Variants in GALNT13 observed in about 807,000 individuals in gnomAD.
GALNT13 encodes UDP-GalNAc:polypeptide N-acetylgalactosaminyltransferase 13.
GALNT13 carries 28 observed loss-of-function variants against 64.2 expected under a neutral mutation model. That is an observed-to-expected ratio of 0.44 (90% CI 0.32 to 0.60). The LOEUF (loss-of-function observed/expected upper bound fraction) is 0.60, where lower values mean the gene tolerates loss of function less well. GALNT13 is among the 20% of genes least tolerant of loss of function. The pLI is 0.05. For synonymous variants in GALNT13, 214 were observed against 224.6 expected, an observed-to-expected ratio of 0.95 and a Z score of 0.42; for missense variants, 577 against 669.8, an observed-to-expected ratio of 0.86 and a Z score of 1.53.
intron 11 of GALNT13, chr2:154,436,484 C>A (rs930875134): frequency 6.6e-6 from 1 of 152,204 alleles, no homozygotes; most frequent in Non-Finnish European, 1.5e-5. Context: ...TCCTTTTACA[C>A]TGGCATTTGT....
chr2:153,770,176 C>T, the GALNT13 span, among the ~76,000 whole-genome samples: 1 of 147,570 alleles, frequency 6.8e-6, no homozygotes, highest in Non-Finnish European at 1.5e-5. Context: ...CCCCGCCCCC[C>T]CACACCCCGG....
chr2:153,935,369 G>A (rs1314701289), intron 2 of GALNT13, among the ~76,000 whole-genome samples: 1 of 152,064 alleles, frequency 6.6e-6, no homozygotes, highest in Non-Finnish European at 1.5e-5. Context: ...TAGCCCAAAG[G>A]GACATAAATC....
chr2:154,249,781 AT>A (rs1001219492), intron 7 of GALNT13, among the ~76,000 whole-genome samples: 7 of 152,120 alleles, frequency 4.6e-5, no homozygotes, highest in African/African-American at 1.2e-4. Context: ...TCAAACATAA[AT>A]GTTATTGGTT....
chr2:153,389,638 G>A, the GALNT13 span, among the ~76,000 whole-genome samples: 1 of 152,170 alleles, frequency 6.6e-6, no homozygotes, highest in African/African-American at 2.4e-5. Context: ...TTTGTGAAAC[G>A]TGGATGTGCA....
At chr2:153,314,878 A>G in the GALNT13 span, among the ~76,000 whole-genome samples, 7 of 152,188 alleles carry the variant, frequency 4.6e-5, no homozygotes, top group Non-Finnish European at 1.0e-4. Flanking sequence ...AAAAGGGAAA[A>G]TGAAACTCAA....
At chr2:153,919,109 C>A (rs1689585322) in intron 2 of GALNT13, among the ~76,000 whole-genome samples, 3 of 152,018 alleles carry the variant, frequency 2.0e-5, no homozygotes, top group African/African-American at 4.8e-5. Context: ...GTACTTCTGT[C>A]TTTCTCCTCC....
In GALNT13 at chr2:154,107,588, C is replaced by CAA. The variant is rs145286349; in HGVS notation, c.143-32734_143-32733dup. 6.1e-3 allele frequency among the ~76,000 whole-genome samples: 437 copies of CAA among 72,222 alleles called. 9 individuals are homozygous for CAA. The highest frequency in any genetic ancestry group is 0.018 in the East Asian group (68 of 3,810). 47.4% of individuals were successfully genotyped at this position (72,222 alleles called of 152,430 possible). A position where few individuals can be genotyped will look rare whatever the true frequency, so the allele number is the denominator to read the frequency against. On this transcript the variant is annotated intron_variant, in intron 3 of 12. Transcript: ENST00000392825. The stretch of plus-strand genomic sequence containing the variant: ...TTGGCAACAGAGTGAGACTACATCA[C>CAA]AAAAAAAAAAAAAAAAGAAAGAAAA...
At chr2:154,027,076 A>G (rs1698017534) in intron 3 of GALNT13, among the ~76,000 whole-genome samples, 1 of 152,174 alleles carries the variant, frequency 6.6e-6, no homozygotes, top group African/African-American at 2.4e-5. Context: ...TCTAGAGTGG[A>G]AGATTCAAAA....
At chr2:154,384,415 ATAAT>A (rs1367444174) in intron 9 of GALNT13, among the ~76,000 whole-genome samples, 2 of 151,896 alleles carry the variant, frequency 1.3e-5, no homozygotes, top group African/African-American at 2.4e-5. Context: ...CAGATTGTAA[ATAAT>A]TAAAGAATAA....
chr2:154,080,143 G>C (rs1352564044), intron 3 of GALNT13, among the ~76,000 whole-genome samples: 1 of 151,540 alleles, frequency 6.6e-6, no homozygotes, highest in Non-Finnish European at 1.5e-5. Flanking sequence ...AAGGCTGCTG[G>C]GTGGAATGTG....
the GALNT13 span, among the ~76,000 whole-genome samples, chr2:153,227,399 A>G: frequency 6.6e-6 from 1 of 152,138 alleles, no homozygotes; most frequent in Non-Finnish European, 1.5e-5. Flanking sequence ...ATTTTTTAGG[A>G]AATCAGCTTG....
the GALNT13 span, among the ~76,000 whole-genome samples, chr2:153,335,572 G>A: frequency 6.6e-6 from 1 of 152,158 alleles, no homozygotes; most frequent in East Asian, 1.9e-4. Flanking sequence ...GATATCTGGT[G>A]GAAGAAATTT....
At chr2:153,154,131 G>T in the GALNT13 span, among the ~76,000 whole-genome samples, 1 of 151,980 alleles carries the variant, frequency 6.6e-6, no homozygotes, top group Non-Finnish European at 1.5e-5. Flanking sequence ...TGGTTTGGCT[G>T]TGTCCTCACC....
chr2:153,849,568 G>T, the GALNT13 span, among the ~76,000 whole-genome samples: 1 of 152,186 alleles, frequency 6.6e-6, no homozygotes, highest in Non-Finnish European at 1.5e-5. Flanking sequence ...GATAATTCCT[G>T]TAATTGCCCC....
the GALNT13 span, among the ~76,000 whole-genome samples, chr2:153,533,401 G>A: frequency 6.6e-6 from 1 of 151,888 alleles, no homozygotes; most frequent in African/African-American, 2.4e-5. Context: ...ACAGGCAACT[G>A]CCACCACGTC....
At chr2:153,921,740 T>C (rs1202401324) in intron 2 of GALNT13, among the ~76,000 whole-genome samples, 2 of 152,016 alleles carry the variant, frequency 1.3e-5, no homozygotes, top group African/African-American at 4.8e-5. Flanking sequence ...TTCTCCATAG[T>C]AGAGGAAGAA....
the GALNT13 span, among the ~76,000 whole-genome samples, chr2:153,436,300 G>T: frequency 6.6e-6 from 1 of 152,044 alleles, no homozygotes; most frequent in Non-Finnish European, 1.5e-5. Flanking sequence ...TTTTTTTGTT[G>T]TGTTTCTGCC....
chr2:154,053,694 C>T (rs1699762622), intron 3 of GALNT13, among the ~76,000 whole-genome samples: 1 of 152,080 alleles, frequency 6.6e-6, no homozygotes, highest in African/African-American at 2.4e-5. Context: ...CATCTACCTT[C>T]CAAATCCACT....
chr2:153,448,034 A>G, the GALNT13 span, among the ~76,000 whole-genome samples: 4 of 152,326 alleles, frequency 2.6e-5, no homozygotes, highest in East Asian at 3.9e-4. Context: ...AAAAGTCTCA[A>G]TTGACCTACA....
Sources: gnomAD v4.1 joint callset for allele counts (sites outside exome capture counted in the v4.1 genomes callset) on GRCh38, gnomAD v4.1.1 for gene constraint, MANE v1.5 for transcripts, NCBI Gene and HGNC (gene_info 2026-07-23, HGNC 2026-07-21) for gene names.